Variants in C16orf87 observed in about 807,000 individuals in gnomAD.
The protein encoded by C16orf87 is HDAC and MIER1 interacting protein 1.
C16orf87 carries 13 observed loss-of-function variants against 21.0 expected under a neutral mutation model. The observed-to-expected ratio is 0.62, with a 90% CI of 0.40 to 0.98. The LOEUF is 0.98. C16orf87 is among the 50% of genes least tolerant of loss of function. The pLI is 0.00. For synonymous variants in C16orf87, 49 were observed against 60.2 expected (o/e 0.81, Z 0.86); for missense variants, 113 against 180.4 (o/e 0.63, Z 2.14).
chr16:46,818,869 G>A (rs1959300360), intron 2 of C16orf87, among the ~76,000 whole-genome samples: 2 of 152,096 alleles, frequency 1.3e-5, no homozygotes, highest in Non-Finnish European at 2.9e-5. Flanking sequence ...GGGTCTGGAG[G>A]CAGGGAACTA....
At chr16:46,829,543 A>AT (rs1296204826) in intron 1 of C16orf87, among the ~76,000 whole-genome samples, 1 of 152,242 alleles carries the variant, frequency 6.6e-6, no homozygotes, top group Non-Finnish European at 1.5e-5. Flanking sequence ...AACGCATACC[A>AT]TGTAAACCTT....
rs1437646858 is a variant in C16orf87, at chr16:46,798,918, G to A, written c.*4034C>T. 1 of 151,992 alleles carries A rather than the reference G, an allele frequency of 6.6e-6. No individual in the cohort carries two copies. The highest frequency in any genetic ancestry group is 1.5e-5 in the Non-Finnish European group (1 of 68,014). 9.4% of individuals were successfully genotyped at this position (151,992 alleles called of 1,614,324 possible). On this transcript the variant is annotated 3_prime_UTR_variant, in exon 4 of 4. Transcript: ENST00000285697. Reference sequence around the variant, plus strand: ...AAGAGTCTACCCTCAATCTACTAAAGGGTATTTTTTCAAGCCCACAACAAC... The same window carrying A: ...AAGAGTCTACCCTCAATCTACTAAAAGGTATTTTTTCAAGCCCACAACAAC...
At chr16:46,813,103 A>C (rs1359619004) in intron 2 of C16orf87, among the ~76,000 whole-genome samples, 3 of 152,112 alleles carry the variant, frequency 2.0e-5, no homozygotes, top group Non-Finnish European at 4.4e-5. Context: ...AACCCACAGC[A>C]TTAAACACTA....
chr16:46,824,331 A>G, intron 2 of C16orf87, 55 bp downstream of exon 2: 1 of 814,330 alleles, frequency 1.2e-6, no homozygotes, highest in African/African-American at 1.8e-5. Flanking sequence ...CTTCACAAAA[A>G]TTAACTTTAC....
At chr16:46,828,122 G>A (rs1959696144) in intron 1 of C16orf87, among the ~76,000 whole-genome samples, 1 of 151,294 alleles carries the variant, frequency 6.6e-6, no homozygotes, top group African/African-American at 2.4e-5. Flanking sequence ...TAGAGACAGG[G>A]TTTCACCGTG....
rs1250348731 is a variant in C16orf87 at position 46,830,926 on chromosome 16, C to T, written c.66+158G>A. On this transcript the variant is annotated intron_variant, in intron 1 of 3. Transcript: ENST00000285697. ...GCCCCGGGCTTTTCCCGGGAAACCC[C>T]TCGGTGCAGCCCGACCGGCCCCGGA... 4 of 432,904 alleles carry T rather than the reference C, an allele frequency of 9.2e-6. No homozygotes were observed. The East Asian group carries it at 1.6e-4, about 17-fold the overall frequency. The allele number at this position is 432,904 out of a possible 1,614,324, so 26.8% of individuals were successfully genotyped here. A position where few individuals can be genotyped will look rare whatever the true frequency, so the allele number is the denominator to read the frequency against.
chr16:46,819,982 T>C (rs1959349340), intron 2 of C16orf87, among the ~76,000 whole-genome samples: 1 of 150,268 alleles, frequency 6.7e-6, no homozygotes, highest in South Asian at 2.1e-4. Flanking sequence ...AGACTCCATC[T>C]CAAAAAAAAA....
At chr16:46,807,970 A>G (rs898317103) in intron 3 of C16orf87, 3 of 453,336 alleles carry the variant, frequency 6.6e-6, no homozygotes, top group African/African-American at 2.0e-5. Flanking sequence ...CTCACCCACC[A>G]CCAGAAGCAT....
intron 2 of C16orf87, among the ~76,000 whole-genome samples, chr16:46,819,597 AC>A (rs1243996395): frequency 6.6e-6 from 1 of 151,850 alleles, no homozygotes; most frequent in African/African-American, 2.4e-5. Flanking sequence ...GGCGTGAGCC[AC>A]CGTGCCGGCT....
chr16:46,803,071 C>A lies in C16orf87; in HGVS notation c.347-1G>T, dbSNP rs867921863. ...ATGTCAATTTCCTTTTCCTGTTTCT[C>A]TGTTAAAAGAAAAAGGGAAAGTTTA... On this transcript the variant is annotated splice_acceptor_variant, in intron 3 of 3. Transcript: ENST00000285697. LOFTEE classifies it high-confidence loss of function. The A allele has an allele frequency of 1.3e-6, 2 of 1,488,872 alleles. No individual in the cohort carries two copies. Among genetic ancestry groups the A allele is most frequent in the African/African-American group, 1.4e-5 (1 of 71,398 alleles). 92.2% of individuals were successfully genotyped at this position (1,488,872 alleles called of 1,614,324 possible).
In C16orf87 at chr16:46,821,625, T is replaced by C. The variant is rs1959417199; in HGVS notation, c.163+2761A>G. 3.9e-5 allele frequency among the ~76,000 whole-genome samples: 6 copies of C among 152,244 alleles called. No individual in the cohort carries two copies. The South Asian group carries it at 1.2e-3, about 32-fold the overall frequency. ...TTAAAACTCATCGCCATGACTTACATAACATTGTGCTGTTGGTTTTTCTCC... is the reference window on the plus strand; with the variant it reads ...TTAAAACTCATCGCCATGACTTACACAACATTGTGCTGTTGGTTTTTCTCC... On this transcript the variant is annotated intron_variant, in intron 2 of 3. Transcript: ENST00000285697.
chr16:46,809,700 G>C lies in C16orf87; in HGVS notation c.249C>G (p.Asn83Lys). 1 of 1,608,456 alleles carries C rather than the reference G, an allele frequency of 6.2e-7. No individual in the cohort carries two copies. Among genetic ancestry groups the C allele is most frequent in the South Asian group, 1.1e-5 (1 of 90,926 alleles). Reference protein sequence around the residue: ...INSTVNKDLENRKRSRSNSHS... With the variant: ...INSTVNKDLEKRKRSRSNSHS... The stretch of plus-strand genomic sequence containing the variant: ...GGCTGTTACTTCGAGACCTCTTTCT[G>C]TTTTCTAAATCTTTATTTACTGTAG... The change falls in exon 3 of 4, where the codon AAC becomes AAG. Residue 83 changes from asparagine to lysine, a missense_variant. Asn to Lys is a moderately conservative substitution (Grantham distance 94, BLOSUM62 0). Coordinates refer to ENST00000285697, the MANE Select transcript of C16orf87 (RefSeq NM_001001436.4).
At chr16:46,826,895 T>C (rs1009749561) in intron 1 of C16orf87, among the ~76,000 whole-genome samples, 11 of 152,242 alleles carry the variant, frequency 7.2e-5, no homozygotes, top group African/African-American at 2.7e-4. Context: ...GCTCCTTTCC[T>C]AATCAGCAAG....
At chr16:46,807,585 G>A (rs953368686) in intron 3 of C16orf87, among the ~76,000 whole-genome samples, 1 of 152,216 alleles carries the variant, frequency 6.6e-6, no homozygotes, top group African/African-American at 2.4e-5. Flanking sequence ...CAATGGCAGA[G>A]CTGAGTAGTT....
In C16orf87 at chr16:46,831,049, GCCGCCCGC is replaced by G. The variant is rs1567321014; in HGVS notation, c.66+27_66+34del. ...CACAGACAACGGCCGCCAAGCCACT[GCCGCCCGC>G]CCGCGCGCCCGGCCCCCGGCACCCA... On this transcript the variant is annotated intron_variant, in intron 1 of 3. Transcript: ENST00000285697. 1.9e-6 allele frequency: 3 copies of G among 1,543,886 alleles called. No individual in the cohort carries two copies. The South Asian group carries it at 3.5e-5, about 18-fold the overall frequency.
chr16:46,829,853 C>T (rs1473776807), intron 1 of C16orf87, among the ~76,000 whole-genome samples: 1 of 144,102 alleles, frequency 6.9e-6, no homozygotes, highest in Non-Finnish European at 1.5e-5. Context: ...GAAAAACCTA[C>T]AAGAATTCTC....
intron 2 of C16orf87, among the ~76,000 whole-genome samples, chr16:46,817,784 C>G (rs1959248254): frequency 6.6e-6 from 1 of 151,908 alleles, no homozygotes; most frequent in Non-Finnish European, 1.5e-5. Context: ...TAAAAACAAT[C>G]AGTCTTAATT....
At chr16:46,824,850 G>A (rs980334957) in intron 1 of C16orf87, among the ~76,000 whole-genome samples, 24 of 151,918 alleles carry the variant, frequency 1.6e-4, no homozygotes, top group Non-Finnish European at 2.9e-5. Flanking sequence ...ATTTTTAGTA[G>A]AGATGGGGTT....
chr16:46,811,061 C>T (rs1162834546), intron 2 of C16orf87, among the ~76,000 whole-genome samples: 4 of 152,108 alleles, frequency 2.6e-5, no homozygotes, highest in Non-Finnish European at 4.4e-5. Flanking sequence ...GTGCTACTCA[C>T]GGGGTAACCA....
Sources: gnomAD v4.1 joint callset for allele counts (sites outside exome capture counted in the v4.1 genomes callset) on GRCh38, gnomAD v4.1.1 for gene constraint, MANE v1.5 for transcripts, NCBI Gene and HGNC (gene_info 2026-07-23, HGNC 2026-07-21) for gene names.